RAB3C: variants seen among roughly 807,000 people sequenced by gnomAD.
The protein encoded by RAB3C is RAB3C, member RAS oncogene family, also known as ras-related protein Rab-3C.
RAB3C carries 17 observed loss-of-function variants against 26.4 expected under a neutral mutation model. The observed-to-expected ratio is 0.64, with a 90% CI of 0.44 to 0.97. The LOEUF is 0.97. RAB3C is among the 50% of genes least tolerant of loss of function. RAB3C has a pLI of 0.00. For synonymous variants in RAB3C, 91 were observed against 95.9 expected, an observed-to-expected ratio of 0.95 and a Z score of 0.30; for missense variants, 242 against 281.9, an observed-to-expected ratio of 0.86 and a Z score of 1.01.
chr5:58,824,649 CGGA>C (rs1195842013), intron 3 of RAB3C, among the ~76,000 whole-genome samples: 1 of 152,066 alleles, frequency 6.6e-6, no homozygotes, highest in Non-Finnish European at 1.5e-5. Context: ...TTGCCTGAAA[CGGA>C]GGGGTTTCTC....
At chr5:58,773,070 A>G (rs1319013101) in intron 3 of RAB3C, among the ~76,000 whole-genome samples, 3 of 152,190 alleles carry the variant, frequency 2.0e-5, no homozygotes, top group Non-Finnish European at 2.9e-5. Flanking sequence ...TATCTGGGAA[A>G]GTAGTCATAA....
intron 2 of RAB3C, among the ~76,000 whole-genome samples, chr5:58,716,163 A>G (rs1269165990): frequency 6.6e-6 from 1 of 152,026 alleles, no homozygotes; most frequent in African/African-American, 2.4e-5. Context: ...GATGAGAACC[A>G]AAAGTTAAAC....
chr5:58,761,996 A>G (rs995105893), intron 3 of RAB3C, among the ~76,000 whole-genome samples: 3 of 152,038 alleles, frequency 2.0e-5, no homozygotes, highest in Non-Finnish European at 4.4e-5. Flanking sequence ...ATTGACTAAT[A>G]GAAACATCAT....
At chr5:58,634,562 G>T (rs1014031268) in intron 2 of RAB3C, among the ~76,000 whole-genome samples, 7 of 152,176 alleles carry the variant, frequency 4.6e-5, no homozygotes, top group Non-Finnish European at 8.8e-5. Flanking sequence ...TAAGACTCAA[G>T]AAATATTAGT....
chr5:58,644,109 T>C (rs184745821), intron 2 of RAB3C, among the ~76,000 whole-genome samples: 2 of 152,318 alleles, frequency 1.3e-5, no homozygotes, highest in Admixed American at 1.3e-4. Context: ...CGTGAACCAC[T>C]GCACCCAGCC....
intron 2 of RAB3C, among the ~76,000 whole-genome samples, chr5:58,670,303 C>A (rs1247716397): frequency 4.6e-5 from 7 of 151,914 alleles, no homozygotes; most frequent in Admixed American, 2.6e-4. Context: ...TAAAGACGGT[C>A]TCCAAAGGAT....
In RAB3C at chr5:58,748,865, C is replaced by T. The variant is rs188317734; in HGVS notation, c.371+22745C>T. ...AGGCCATGGGATTAGTTCTCACCAA[C>T]AATGCCAGCCAAAGTAAGTATGCCA... On this transcript the variant is annotated intron_variant, in intron 3 of 4. Coordinates refer to ENST00000282878, the MANE Select transcript of RAB3C (RefSeq NM_138453.4). Among the ~76,000 whole-genome samples the T allele has an allele frequency of 4.9e-4, 74 of 152,280 alleles. No individual in the cohort carries two copies. In the East Asian group the frequency reaches 9.1e-3, roughly 19 times the overall value.
intron 2 of RAB3C, among the ~76,000 whole-genome samples, chr5:58,681,597 AAT>A (rs1335675753): frequency 2.5e-4 from 38 of 152,252 alleles, no homozygotes; most frequent in African/African-American, 9.2e-4. Flanking sequence ...TGTAAGAACA[AAT>A]CTTTAGTATG....
At chr5:58,744,305 T>G (rs1245490261) in intron 3 of RAB3C, among the ~76,000 whole-genome samples, 3 of 152,240 alleles carry the variant, frequency 2.0e-5, no homozygotes, top group African/African-American at 7.2e-5. Context: ...ATCAAAGATT[T>G]CTCATCAGTG....
At chr5:58,644,774 A>C (rs1476417307) in intron 2 of RAB3C, among the ~76,000 whole-genome samples, 1 of 152,194 alleles carries the variant, frequency 6.6e-6, no homozygotes, top group Non-Finnish European at 1.5e-5. Flanking sequence ...ATAAAAAGAA[A>C]GCGTTACCAT....
intron 2 of RAB3C, among the ~76,000 whole-genome samples, chr5:58,671,973 T>C (rs891305037): frequency 3.3e-5 from 5 of 152,174 alleles, no homozygotes; most frequent in African/African-American, 1.2e-4. Context: ...AAATAAGAAT[T>C]ACTTATATAC....
At chr5:58,752,937 G>T (rs992503846) in intron 3 of RAB3C, among the ~76,000 whole-genome samples, 2 of 151,994 alleles carry the variant, frequency 1.3e-5, no homozygotes, top group African/African-American at 2.4e-5. Flanking sequence ...CTTTATGACA[G>T]TTGGAATGAG....
chr5:58,673,370 A>T (rs1748159681), intron 2 of RAB3C, among the ~76,000 whole-genome samples: 1 of 151,780 alleles, frequency 6.6e-6, no homozygotes, highest in Non-Finnish European at 1.5e-5. Flanking sequence ...TTTCTTCCCC[A>T]TCAAGCCTGG....
At chr5:58,596,886 T>A (rs1373778241) in intron 1 of RAB3C, among the ~76,000 whole-genome samples, 2 of 97,480 alleles carry the variant, frequency 2.1e-5, no homozygotes, top group Non-Finnish European at 3.5e-5. Context: ...ATATAATACA[T>A]AATATATAAT....
At chr5:58,813,598 A>ATATT (rs1743138742) in intron 3 of RAB3C, among the ~76,000 whole-genome samples, 1 of 9,422 alleles carries the variant, frequency 1.1e-4, no homozygotes, top group East Asian at 6.3e-4. Context: ...ATATTTATAT[A>ATATT]TATATATATA....
intron 3 of RAB3C, among the ~76,000 whole-genome samples, chr5:58,791,109 A>G (rs1012614602): frequency 6.6e-6 from 1 of 151,874 alleles, no homozygotes; most frequent in Non-Finnish European, 1.5e-5. Context: ...ACTCTCAGTC[A>G]AGCCCTTTAC....
At chr5:58,844,129 G>C (rs562183608) in intron 4 of RAB3C, among the ~76,000 whole-genome samples, 1 of 152,322 alleles carries the variant, frequency 6.6e-6, no homozygotes, top group Non-Finnish European at 1.5e-5. Context: ...CAAGGAATGA[G>C]GGGTGTTTGC....
At chr5:58,591,586 GTATA>G (rs36004499) in intron 1 of RAB3C, among the ~76,000 whole-genome samples, 537 of 49,574 alleles carry the variant, frequency 0.011, 7 homozygotes, top group African/African-American at 0.04. Flanking sequence ...TATTTTCATA[GTATA>G]TATATATATA....
Position 58,858,949 on chromosome 5 carries a change from G to C in RAB3C, c.*7598G>C, listed in dbSNP as rs1744324662. On this transcript the variant is annotated 3_prime_UTR_variant, in exon 5 of 5. Coordinates refer to ENST00000282878, the MANE Select transcript of RAB3C (RefSeq NM_138453.4). ...AGATTGTCCGACCTAATGCCACCTG[G>C]CAGATGTGTACCCAGAGATTTTTCT... 6.6e-6 allele frequency: 1 copy of C among 152,176 alleles called. No homozygotes were observed. Among genetic ancestry groups the C allele is most frequent in the Non-Finnish European group, 1.5e-5 (1 of 68,034 alleles). The allele number at this position is 152,176 out of a possible 1,614,324, so 9.4% of individuals were successfully genotyped here.
Sources: allele counts gnomAD v4.1 joint callset (sites outside exome capture counted in the v4.1 genomes callset), GRCh38; gene constraint gnomAD v4.1.1; transcripts MANE v1.5; gene names NCBI Gene and HGNC (gene_info 2026-07-23, HGNC 2026-07-21).